Variants in ADK observed in about 807,000 individuals in gnomAD.
ADK encodes the protein adenosine kinase.
ADK carries 24 observed loss-of-function variants against 44.7 expected under a neutral mutation model. That is an observed-to-expected ratio of 0.54 (90% CI 0.39 to 0.76). ADK has a LOEUF of 0.76. ADK is among the 30% of genes least tolerant of loss of function. The pLI, the probability that ADK is intolerant of heterozygous loss-of-function variation, is 0.00. For synonymous variants in ADK, 128 were observed against 142.6 expected (o/e 0.90, Z 0.73); for missense variants, 321 against 425.1 (o/e 0.76, Z 2.15).
intron 4 of ADK, among the ~76,000 whole-genome samples, chr10:74,350,015 A>G (rs1464544566): frequency 6.6e-6 from 1 of 152,184 alleles, no homozygotes; most frequent in East Asian, 1.9e-4. Context: ...CAGAAAATTA[A>G]CAAGGTTATT....
At chr10:74,215,395 C>T (rs1380222860) in intron 2 of ADK, among the ~76,000 whole-genome samples, 1 of 152,148 alleles carries the variant, frequency 6.6e-6, no homozygotes, top group Non-Finnish European at 1.5e-5. Flanking sequence ...CTTACAACCT[C>T]CATCTCCCAG....
At chr10:74,597,475 A>G (rs371154800) in intron 8 of ADK, among the ~76,000 whole-genome samples, 2 of 152,146 alleles carry the variant, frequency 1.3e-5, no homozygotes, top group Admixed American at 6.5e-5. Flanking sequence ...ATCGAATCCC[A>G]CATTGCATAT....
chr10:74,510,484 G>A (rs1329973782), intron 6 of ADK, among the ~76,000 whole-genome samples: 1 of 152,058 alleles, frequency 6.6e-6, no homozygotes, highest in Non-Finnish European at 1.5e-5. Flanking sequence ...TGAATAGTTT[G>A]CAAATATTTT....
At chr10:74,541,438 G>A (rs1849622129) in intron 7 of ADK, among the ~76,000 whole-genome samples, 1 of 152,050 alleles carries the variant, frequency 6.6e-6, no homozygotes, top group Admixed American at 6.6e-5. Context: ...ATTGCATTTA[G>A]TTACCACATT....
At chr10:74,515,642 G>A (rs936597381) in intron 6 of ADK, among the ~76,000 whole-genome samples, 1 of 152,166 alleles carries the variant, frequency 6.6e-6, no homozygotes, top group African/African-American at 2.4e-5. Flanking sequence ...TGGGGGACCT[G>A]TGTGTCTGTT....
At chr10:74,702,862 G>C (rs1434274795) in intron 10 of ADK, among the ~76,000 whole-genome samples, 1 of 152,142 alleles carries the variant, frequency 6.6e-6, no homozygotes, top group African/African-American at 2.4e-5. Flanking sequence ...CTCCCAAAGT[G>C]TTGGGATTAC....
chr10:74,507,945 G>T (rs1848147443), intron 6 of ADK, among the ~76,000 whole-genome samples: 1 of 152,050 alleles, frequency 6.6e-6, no homozygotes, highest in South Asian at 2.1e-4. Context: ...TTGACATGTT[G>T]GTAAATTCTA....
intron 6 of ADK, among the ~76,000 whole-genome samples, chr10:74,460,388 GA>G (rs1846128237): frequency 6.6e-6 from 1 of 152,146 alleles, no homozygotes; most frequent in Non-Finnish European, 1.5e-5. Context: ...CTGCAACTGT[GA>G]GATTTCAGAC....
intron 10 of ADK, among the ~76,000 whole-genome samples, chr10:74,696,694 G>A (rs1371119973): frequency 1.3e-5 from 2 of 152,114 alleles, no homozygotes; most frequent in African/African-American, 4.8e-5. Flanking sequence ...TAATGGGACT[G>A]TGTATGTTTT....
intron 7 of ADK, among the ~76,000 whole-genome samples, chr10:74,567,964 G>A (rs1383921486): frequency 6.6e-6 from 1 of 152,044 alleles, no homozygotes; most frequent in African/African-American, 2.4e-5. Flanking sequence ...TTCCCAAAGT[G>A]CTGGGATTAC....
intron 2 of ADK, among the ~76,000 whole-genome samples, chr10:74,219,195 CAAAA>C (rs1844188572): frequency 6.6e-6 from 1 of 150,932 alleles, no homozygotes; most frequent in Non-Finnish European, 1.5e-5. Flanking sequence ...GAATGGAAAA[CAAAA>C]AAAGGCAGGG....
intron 1 of ADK, among the ~76,000 whole-genome samples, chr10:74,177,923 T>TTATATATA (rs1192890268): frequency 2.1e-3 from 278 of 130,280 alleles, no homozygotes; most frequent in Middle Eastern, 4.0e-3. Context: ...AATTGCATAA[T>TTATATATA]TATATATATA....
chr10:74,538,977 G>A (rs1421824371), intron 7 of ADK, among the ~76,000 whole-genome samples: 2 of 152,074 alleles, frequency 1.3e-5, no homozygotes, highest in African/African-American at 2.4e-5. Flanking sequence ...ACACCAAATA[G>A]TGCTATACAT....
At chr10:74,628,056 T>C (rs1244462040) in intron 9 of ADK, among the ~76,000 whole-genome samples, 1 of 152,162 alleles carries the variant, frequency 6.6e-6, no homozygotes, top group Non-Finnish European at 1.5e-5. Context: ...TGACAGGTGA[T>C]ATTAAGAACC....
chr10:74,607,910 C>A (rs934403707), intron 9 of ADK, among the ~76,000 whole-genome samples: 6 of 151,950 alleles, frequency 3.9e-5, no homozygotes, highest in Non-Finnish European at 8.8e-5. Flanking sequence ...TCCCATATTT[C>A]TTGGAGGTTT....
At chr10:74,645,311 A>G (rs1183438243) in intron 9 of ADK, among the ~76,000 whole-genome samples, 1 of 151,970 alleles carries the variant, frequency 6.6e-6, no homozygotes, top group Non-Finnish European at 1.5e-5. Context: ...TCAGTGTTTG[A>G]GGTTCTCTAG....
intron 7 of ADK, among the ~76,000 whole-genome samples, chr10:74,586,651 C>T (rs1004398079): frequency 3.3e-5 from 5 of 152,076 alleles, no homozygotes; most frequent in Middle Eastern, 3.4e-3. Flanking sequence ...GTCAGGAGTT[C>T]GAGACCAGCC....
At chr10:74,353,605 A>G (rs1592089336) in intron 4 of ADK, among the ~76,000 whole-genome samples, 1 of 149,144 alleles carries the variant, frequency 6.7e-6, no homozygotes, top group Non-Finnish European at 1.5e-5. Flanking sequence ...GCAGTGGCTC[A>G]CGCCTGTAAT....
intron 6 of ADK, among the ~76,000 whole-genome samples, chr10:74,511,813 T>C (rs145392236): frequency 6.6e-6 from 1 of 152,302 alleles, no homozygotes; most frequent in East Asian, 1.9e-4. Context: ...GCCTAATTGC[T>C]GTGGCTAGTA....
Sources: allele counts gnomAD v4.1 joint callset (sites outside exome capture counted in the v4.1 genomes callset), GRCh38; gene constraint gnomAD v4.1.1; transcripts MANE v1.5; gene names NCBI Gene and HGNC (gene_info 2026-07-23, HGNC 2026-07-21).